The following RAPGEF4 variants were observed in gnomAD, a reference collection of about 807,000 sequenced individuals.
RAPGEF4 encodes the protein RAP guanine-nucleotide-exchange factor (GEF) 4.
A neutral mutation model predicts 147.9 loss-of-function variants in RAPGEF4; 66 were observed. The observed-to-expected ratio is 0.45, with a 90% CI of 0.37 to 0.55. The LOEUF is 0.55. Ranked by LOEUF, RAPGEF4 falls within the 20% of genes least tolerant of loss-of-function variation. RAPGEF4 has a pLI of 0.00. For synonymous variants in RAPGEF4, 419 were observed against 442.7 expected (o/e 0.95, Z 0.67); for missense variants, 1,071 against 1,257.3 (o/e 0.85, Z 2.24).
chr2:172,768,922 G>A (rs999482395), intron 1 of RAPGEF4, among the ~76,000 whole-genome samples: 1 of 152,224 alleles, frequency 6.6e-6, no homozygotes, highest in African/African-American at 2.4e-5. Context: ...AGCTCTCCGT[G>A]TACTCTCACA....
At chr2:172,938,594 C>T (rs557848431) in intron 6 of RAPGEF4, among the ~76,000 whole-genome samples, 1 of 152,274 alleles carries the variant, frequency 6.6e-6, no homozygotes, top group East Asian at 1.9e-4. Context: ...CCACTCCCTT[C>T]GTTGAAGTTA....
intron 1 of RAPGEF4, among the ~76,000 whole-genome samples, chr2:172,788,460 G>A (rs1685465286): frequency 1.3e-5 from 2 of 152,172 alleles, no homozygotes; most frequent in Non-Finnish European, 2.9e-5. Flanking sequence ...TTAGTTTTCT[G>A]TTGCTGTGTA....
chr2:172,770,928 C>A (rs1683500785), intron 1 of RAPGEF4, among the ~76,000 whole-genome samples: 1 of 152,016 alleles, frequency 6.6e-6, no homozygotes, highest in Admixed American at 6.6e-5. Context: ...TTCTGTGAGT[C>A]CATCATGACT....
chr2:173,037,720 G>A (rs1559203823), intron 29 of RAPGEF4, among the ~76,000 whole-genome samples: 2 of 152,020 alleles, frequency 1.3e-5, no homozygotes, highest in African/African-American at 2.4e-5. Context: ...GAGAAAAGCC[G>A]GGGACCTGGA....
intron 4 of RAPGEF4, among the ~76,000 whole-genome samples, chr2:172,822,171 G>T (rs1559058880): frequency 6.6e-6 from 1 of 152,116 alleles, no homozygotes; most frequent in Non-Finnish European, 1.5e-5. Context: ...GGGGCCAGGG[G>T]GTGAGTGGTG....
chr2:172,990,706 C>A, intron 14 of RAPGEF4, 104 bp from the exon 15 acceptor site: 1 of 765,540 alleles, frequency 1.3e-6, no homozygotes, highest in East Asian at 2.7e-5. Context: ...GTAGACGCAA[C>A]AATTAGCATG....
chr2:172,998,864 A>AT (rs1271658568), intron 16 of RAPGEF4, among the ~76,000 whole-genome samples: 7 of 152,338 alleles, frequency 4.6e-5, no homozygotes, highest in African/African-American at 1.4e-4. Context: ...GACTCAAAAA[A>AT]ATATATATTC....
In RAPGEF4 at chr2:172,765,143, C is replaced by G. The variant is rs563454613; in HGVS notation, c.65+29095C>G. On this transcript the variant is annotated intron_variant, in intron 1 of 30. Coordinates refer to ENST00000397081, the MANE Select transcript of RAPGEF4 (RefSeq NM_007023.4). ...TGTAGATGCATCACTCCAATTGCTGCCTCCATCATAACATGGTTGTCTTGC... is the reference window on the plus strand; with the variant it reads ...TGTAGATGCATCACTCCAATTGCTGGCTCCATCATAACATGGTTGTCTTGC... Among the ~76,000 whole-genome samples, 26 of 152,300 alleles carry G rather than the reference C, an allele frequency of 1.7e-4. 1 individual carries two copies. The East Asian group carries it at 4.6e-3, about 27-fold the overall frequency.
intron 6 of RAPGEF4, among the ~76,000 whole-genome samples, chr2:172,952,396 T>C (rs1031907561): frequency 6.6e-6 from 1 of 152,214 alleles, no homozygotes; most frequent in Admixed American, 6.5e-5. Flanking sequence ...GGCCAAGGCT[T>C]AGATTTGTAA....
At chr2:172,736,457 G>A (rs1366593124) in intron 1 of RAPGEF4, among the ~76,000 whole-genome samples, 1 of 152,126 alleles carries the variant, frequency 6.6e-6, no homozygotes, top group African/African-American at 2.4e-5. Context: ...TGGGGGCACC[G>A]GCAGGTGCAG....
chr2:172,839,275 T>A (rs906024889), intron 4 of RAPGEF4, among the ~76,000 whole-genome samples: 1 of 151,962 alleles, frequency 6.6e-6, no homozygotes, highest in Non-Finnish European at 1.5e-5. Context: ...GAGTCTGCAG[T>A]GCAAAGTGAA....
intron 17 of RAPGEF4, among the ~76,000 whole-genome samples, chr2:173,007,417 G>A (rs1694591667): frequency 6.6e-6 from 1 of 152,246 alleles, no homozygotes; most frequent in Admixed American, 6.5e-5. Flanking sequence ...AGCAGCCTGT[G>A]TGGATAGGAG....
intron 1 of RAPGEF4, among the ~76,000 whole-genome samples, chr2:172,794,347 CAA>C (rs59850502): frequency 7.1e-4 from 72 of 101,894 alleles, no homozygotes; most frequent in African/African-American, 2.4e-3. Context: ...AACTCCATCT[CAA>C]AAAAAAAAAA....
chr2:173,013,879 TCACCAGAGAATTGGTA>T (rs1245755397), intron 17 of RAPGEF4, among the ~76,000 whole-genome samples: 1 of 152,172 alleles, frequency 6.6e-6, no homozygotes, highest in African/African-American at 2.4e-5. Flanking sequence ...TCTGAGGCCC[TCACCAGAGAATTGGTA>T]CAGCAGGAGC....
chr2:172,738,097 A>C (rs1404645199), intron 1 of RAPGEF4, among the ~76,000 whole-genome samples: 1 of 152,048 alleles, frequency 6.6e-6, no homozygotes, highest in East Asian at 1.9e-4. Flanking sequence ...TAGATTGTTT[A>C]TTTATTTATT....
chr2:172,924,381 G>GCTCGTCAGATACAATGAA (rs1188121139), intron 6 of RAPGEF4, among the ~76,000 whole-genome samples: 2 of 152,210 alleles, frequency 1.3e-5, no homozygotes, highest in Admixed American at 6.5e-5. Flanking sequence ...AGAACAATGA[G>GCTCGTCAGATACAATGAA]CTCGTCAGAT....
chr2:172,816,381 G>GT (rs1025381999), intron 4 of RAPGEF4, among the ~76,000 whole-genome samples: 2 of 151,396 alleles, frequency 1.3e-5, no homozygotes, highest in African/African-American at 2.4e-5. Context: ...TTGTCTGATT[G>GT]TTTTTTTCAT....
At chr2:172,918,542 T>C (rs1333343472) in intron 5 of RAPGEF4, among the ~76,000 whole-genome samples, 11 of 152,210 alleles carry the variant, frequency 7.2e-5, no homozygotes, top group Non-Finnish European at 1.5e-5. Context: ...AGGCCTTTTA[T>C]GAGAGACCAG....
chr2:172,902,117 C>T (rs898493188), intron 4 of RAPGEF4, among the ~76,000 whole-genome samples: 3 of 151,844 alleles, frequency 2.0e-5, no homozygotes, highest in Non-Finnish European at 2.9e-5. Flanking sequence ...AGGAAAACTT[C>T]GTGTGTTGAA....
Sources: gnomAD v4.1 joint callset for allele counts (sites outside exome capture counted in the v4.1 genomes callset) on GRCh38, gnomAD v4.1.1 for gene constraint, MANE v1.5 for transcripts, NCBI Gene and HGNC (gene_info 2026-07-23, HGNC 2026-07-21) for gene names.